The following TSPEAR variants were observed in gnomAD, a reference collection of about 807,000 sequenced individuals.
TSPEAR encodes the protein thrombospondin type laminin G domain and EAR repeats, also known as thrombospondin-type laminin G domain and EAR repeat-containing protein.
In TSPEAR, 69 loss-of-function variants were observed where a neutral mutation model predicts 71.6. The ratio of observed to expected loss-of-function variants is 0.96; its 90% confidence interval spans 0.79 to 1.18. The LOEUF (loss-of-function observed/expected upper bound fraction) is 1.18, where lower values mean the gene tolerates loss of function less well. TSPEAR is among the 50% of genes most tolerant of loss of function. TSPEAR has a pLI of 0.00. For synonymous variants in TSPEAR, 402 were observed against 387.2 expected, an observed-to-expected ratio of 1.04 and a Z score of -0.45; for missense variants, 971 against 894.9, an observed-to-expected ratio of 1.09 and a Z score of -1.09.
intron 1 of TSPEAR, among the ~76,000 whole-genome samples, chr21:44,609,412 C>A (rs1380597345): frequency 9.2e-5 from 14 of 152,104 alleles, no homozygotes; most frequent in African/African-American, 3.1e-4. Context: ...TGTGCTCCAC[C>A]AAAACAAGGA....
At chr21:44,578,696 T>C (rs1320386184) in intron 1 of TSPEAR, among the ~76,000 whole-genome samples, 1 of 152,084 alleles carries the variant, frequency 6.6e-6, no homozygotes, top group Non-Finnish European at 1.5e-5. Context: ...ACTGAAAATT[T>C]ACCCACTGGG....
intron 1 of TSPEAR, among the ~76,000 whole-genome samples, chr21:44,672,771 G>T (rs7280674): frequency 0.52 from 78,670 of 151,764 alleles, 20,872 homozygotes; most frequent in African/African-American, 0.64. Context: ...GATCATGGGG[G>T]CAGATTTCCC....
chr21:44,583,359 G>A (rs587688969), intron 1 of TSPEAR, among the ~76,000 whole-genome samples: 3 of 152,242 alleles, frequency 2.0e-5, no homozygotes, highest in East Asian at 3.9e-4. Context: ...CCCTTTCATC[G>A]TGGCTGGCTG....
At chr21:44,704,358 C>T (rs1987806182) in intron 1 of TSPEAR, among the ~76,000 whole-genome samples, 1 of 152,138 alleles carries the variant, frequency 6.6e-6, no homozygotes, top group Admixed American at 6.5e-5. Flanking sequence ...CCTGTCAGTC[C>T]AGACTTTACC....
At chr21:44,539,374 C>T (rs1555916799) in intron 2 of TSPEAR, 2 of 1,612,574 alleles carry the variant, frequency 1.2e-6, no homozygotes, top group Non-Finnish European at 1.7e-6. Flanking sequence ...AGCAGCTGGC[C>T]TGGCAGGAGG....
At chr21:44,531,720 A>T (rs782147276) in intron 3 of TSPEAR, among the ~76,000 whole-genome samples, 59 of 152,082 alleles carry the variant, frequency 3.9e-4, no homozygotes, top group Non-Finnish European at 6.2e-4. Context: ...CCCTCCACTG[A>T]GCTCCTGCAC....
intron 10 of TSPEAR, 34 bp downstream of exon 10, chr21:44,509,165 A>G (rs782123219): frequency 3.8e-6 from 6 of 1,595,830 alleles, no homozygotes; most frequent in Non-Finnish European, 5.1e-6. Context: ...CCCAGAGATC[A>G]GCCCACCTCC....
At chr21:44,704,129 C>T (rs1987789596) in intron 1 of TSPEAR, among the ~76,000 whole-genome samples, 1 of 152,200 alleles carries the variant, frequency 6.6e-6, no homozygotes, top group Admixed American at 6.5e-5. Context: ...AGGGCCCTCC[C>T]GCAATTAGAA....
chr21:44,599,651 G>A (rs1381728573), intron 1 of TSPEAR, among the ~76,000 whole-genome samples: 2 of 152,222 alleles, frequency 1.3e-5, no homozygotes, highest in African/African-American at 4.8e-5. Context: ...ATGAATGCTT[G>A]AGAAGTAAAA....
chr21:44,707,026 C>A (rs929658659), intron 1 of TSPEAR, among the ~76,000 whole-genome samples: 1 of 152,234 alleles, frequency 6.6e-6, no homozygotes, highest in African/African-American at 2.4e-5. Flanking sequence ...GCTTTCCTAG[C>A]GGAATTGGCG....
At chr21:44,702,224 C>G (rs1987682998) in intron 1 of TSPEAR, 1 of 1,595,510 alleles carries the variant, frequency 6.3e-7, no homozygotes, top group African/African-American at 1.3e-5. Flanking sequence ...CCTCCCTGAG[C>G]CAGTGCTTCC....
At chr21:44,560,383 T>A (rs962164510) in intron 2 of TSPEAR, among the ~76,000 whole-genome samples, 24 of 152,216 alleles carry the variant, frequency 1.6e-4, no homozygotes, top group African/African-American at 5.5e-4. Context: ...ACAATAATAG[T>A]GGGAAACTTT....
At chr21:44,629,418 C>T (rs1191410296) in intron 1 of TSPEAR, among the ~76,000 whole-genome samples, 2 of 152,204 alleles carry the variant, frequency 1.3e-5, no homozygotes, top group African/African-American at 4.8e-5. Context: ...TCCCTGTGTC[C>T]TTACGGGGCT....
intron 1 of TSPEAR, among the ~76,000 whole-genome samples, chr21:44,664,301 A>G (rs781961461): frequency 6.6e-6 from 1 of 152,212 alleles, no homozygotes; most frequent in Non-Finnish European, 1.5e-5. Context: ...GCAATGAACA[A>G]TCAGAAATTG....
chr21:44,706,060 C>T (rs1052024295), intron 1 of TSPEAR, among the ~76,000 whole-genome samples: 1 of 152,140 alleles, frequency 6.6e-6, no homozygotes, highest in Non-Finnish European at 1.5e-5. Flanking sequence ...AGAAAAGAAC[C>T]TACGTGATTA....
At chr21:44,654,414 C>A (rs868935779) in intron 1 of TSPEAR, 1 of 1,614,160 alleles carries the variant, frequency 6.2e-7, no homozygotes, top group Admixed American at 1.7e-5. Context: ...AGCAGGCCAC[C>A]TGGCAGGGGC....
At position 44,525,955 on chromosome 21, in the gene TSPEAR, G is replaced by A. The variant is rs1601363884; in HGVS notation, c.1150-116C>T. On this transcript the variant is annotated intron_variant, in intron 7 of 11. Transcript: ENST00000323084. Reference sequence around the variant, plus strand: ...TCCAGATCCACGGCTGCTACGTGGTGCAGGGACAGAGGACCGAGGCCCCCG... The same window carrying A: ...TCCAGATCCACGGCTGCTACGTGGTACAGGGACAGAGGACCGAGGCCCCCG... 2.0e-5 allele frequency: 22 copies of A among 1,075,472 alleles called. No homozygotes were observed. The East Asian group carries it at 5.2e-4, about 26-fold the overall frequency. 66.6% of individuals were successfully genotyped at this position (1,075,472 alleles called of 1,614,324 possible).
chr21:44,539,480 G>A, intron 2 of TSPEAR: 1 of 1,613,840 alleles, frequency 6.2e-7, no homozygotes, highest in Non-Finnish European at 8.5e-7. Flanking sequence ...TCTGCAGCAG[G>A]AGGTGGTGCA....
rs527841348 is a variant in TSPEAR, at chr21:44,690,279, C to A, written c.82+21154G>T. ...GGACAGTGAGAATGATGAGCGGATG[C>A]ACAAATAAACTCCTAAAGAGGAGCA... On this transcript the variant is annotated intron_variant, in intron 1 of 11. Coordinates refer to ENST00000323084, the MANE Select transcript of TSPEAR (RefSeq NM_144991.3). Among the ~76,000 whole-genome samples, 3 of 152,310 alleles carry A rather than the reference C, an allele frequency of 2.0e-5. No homozygotes were observed. The South Asian group carries it at 6.2e-4, about 32-fold the overall frequency.
Sources: allele counts gnomAD v4.1 joint callset (sites outside exome capture counted in the v4.1 genomes callset), GRCh38; gene constraint gnomAD v4.1.1; transcripts MANE v1.5; gene names NCBI Gene and HGNC (gene_info 2026-07-23, HGNC 2026-07-21).